SLC16A9: variants seen among roughly 807,000 people sequenced by gnomAD.
SLC16A9 encodes the protein solute carrier family 16 member 9.
Under a neutral mutation model 44.3 loss-of-function variants are expected in SLC16A9, and 26 were observed. That is an observed-to-expected ratio of 0.59 (90% CI 0.43 to 0.81). The LOEUF (loss-of-function observed/expected upper bound fraction) is 0.81. Among genes scored for constraint, SLC16A9 ranks in the 40% least tolerant of loss-of-function variants. The pLI, the probability that SLC16A9 is intolerant of heterozygous loss-of-function variation, is 0.00. For synonymous variants in SLC16A9, 230 were observed against 225.1 expected (o/e 1.02, Z -0.19); for missense variants, 559 against 595.8 (o/e 0.94, Z 0.64).
At chr10:59,691,346 A>T (rs1230270011) in intron 1 of SLC16A9, among the ~76,000 whole-genome samples, 2 of 152,192 alleles carry the variant, frequency 1.3e-5, no homozygotes, top group African/African-American at 4.8e-5. Flanking sequence ...ATTAGAAACC[A>T]TTTTGAGAGA....
intron 4 of SLC16A9, among the ~76,000 whole-genome samples, chr10:59,663,439 T>G (rs1839529943): frequency 6.6e-6 from 1 of 152,104 alleles, no homozygotes; most frequent in African/African-American, 2.4e-5. Flanking sequence ...TAAAAAAGAA[T>G]GAGTTTGTGT....
intron 1 of SLC16A9, among the ~76,000 whole-genome samples, chr10:59,689,683 G>A (rs181588964): frequency 6.9e-4 from 105 of 152,226 alleles, no homozygotes; most frequent in African/African-American, 2.2e-3. Context: ...AAATTATTTT[G>A]TTAAGTTATC....
chr10:59,660,939 G>A (rs2393560), intron 4 of SLC16A9, among the ~76,000 whole-genome samples: 17,834 of 152,104 alleles, frequency 0.12, 1,181 homozygotes, highest in Non-Finnish European at 0.15. Context: ...AAAGGCCTTC[G>A]ATAAAATTCA....
At chr10:59,656,103 G>A (rs184849488) in intron 4 of SLC16A9, among the ~76,000 whole-genome samples, 159 of 152,232 alleles carry the variant, frequency 1.0e-3, no homozygotes, top group African/African-American at 3.4e-3. Flanking sequence ...AGTATCTTTT[G>A]GGACTGCTAA....
At chr10:59,697,615 T>G (rs1276232896) in intron 1 of SLC16A9, among the ~76,000 whole-genome samples, 1 of 149,188 alleles carries the variant, frequency 6.7e-6, no homozygotes, top group Non-Finnish European at 1.5e-5. Context: ...CAGGGTCCTC[T>G]GCCTAGGAAA....
chr10:59,666,520 G>A (rs1307576089), intron 3 of SLC16A9, among the ~76,000 whole-genome samples: 1 of 152,088 alleles, frequency 6.6e-6, no homozygotes, highest in Non-Finnish European at 1.5e-5. Context: ...GTGCAAAAGA[G>A]ATGCTGAGTA....
intron 1 of SLC16A9, among the ~76,000 whole-genome samples, chr10:59,694,088 C>T (rs578244969): frequency 6.6e-6 from 1 of 152,202 alleles, no homozygotes; most frequent in South Asian, 2.1e-4. Flanking sequence ...CAGGCGCCCG[C>T]CACCACGCCC....
intron 1 of SLC16A9, among the ~76,000 whole-genome samples, chr10:59,707,329 G>A (rs71495610): frequency 1.6e-5 from 2 of 123,666 alleles, no homozygotes; most frequent in Admixed American, 1.6e-4. Flanking sequence ...GAAGGGAAGG[G>A]AAGGGAGGGG....
intron 1 of SLC16A9, 48 bp from the exon 2 acceptor site, chr10:59,684,375 G>A: frequency 8.9e-7 from 1 of 1,125,924 alleles, no homozygotes; most frequent in Admixed American, 2.5e-5. Flanking sequence ...AGTGTGGTAG[G>A]GCACAGCGCT....
chr10:59,692,861 T>A (rs925373052), intron 1 of SLC16A9, among the ~76,000 whole-genome samples: 3 of 152,220 alleles, frequency 2.0e-5, no homozygotes, highest in African/African-American at 7.2e-5. Flanking sequence ...ATTCTTTGGG[T>A]GTTTTCATGA....
At chr10:59,666,509 G>T (rs1839621928) in intron 3 of SLC16A9, among the ~76,000 whole-genome samples, 2 of 152,086 alleles carry the variant, frequency 1.3e-5, no homozygotes, top group South Asian at 4.1e-4. Flanking sequence ...TTATGCTGAT[G>T]GTGCAAAAGA....
chr10:59,663,648 A>T (rs921963428), intron 4 of SLC16A9, among the ~76,000 whole-genome samples: 1 of 152,036 alleles, frequency 6.6e-6, no homozygotes, highest in Non-Finnish European at 1.5e-5. Flanking sequence ...TAGGAGAAAT[A>T]CCTAATGTAG....
chr10:59,664,401 C>A, intron 3 of SLC16A9, 79 bp from the exon 4 acceptor site: 1 of 900,670 alleles, frequency 1.1e-6, no homozygotes. Context: ...ACAAGTATGT[C>A]CGATAAGACA....
At position 59,700,708 on chromosome 10, in the gene SLC16A9, C is replaced by T. The variant is rs573391493; in HGVS notation, c.-37+8771G>A. 7.2e-5 allele frequency among the ~76,000 whole-genome samples: 11 copies of T among 152,308 alleles called. No homozygotes were observed. The East Asian group carries it at 1.5e-3, about 21-fold the overall frequency. ...AAAGCATGAAAGGGTACTCTCCCTA[C>T]CTCTGCTTCCTCACCTTCTCATCAT... On this transcript the variant is annotated intron_variant, in intron 1 of 5. Transcript: ENST00000395348.
chr10:59,700,582 G>A (rs775688104), intron 1 of SLC16A9, among the ~76,000 whole-genome samples: 2 of 152,210 alleles, frequency 1.3e-5, no homozygotes, highest in Non-Finnish European at 2.9e-5. Flanking sequence ...GGGATTTCAA[G>A]CCTGGCCATG....
In SLC16A9 at chr10:59,707,432, G is replaced by A. The variant is rs370376802; in HGVS notation, c.-37+2047C>T. Among the ~76,000 whole-genome samples, 61 of 151,976 alleles carry A rather than the reference G, an allele frequency of 4.0e-4. 2 individuals carry two copies. The South Asian group carries it at 0.013, about 32-fold the overall frequency. On this transcript the variant is annotated intron_variant, in intron 1 of 5. Transcript: ENST00000395348. The stretch of plus-strand genomic sequence containing the variant: ...ACCCTGGTTACCAGTAGGTAGGGTT[G>A]GGGTGAAGAGATGTTTGTCAAAGGA...
At chr10:59,694,801 A>AATATATATATAT (rs1554874045) in intron 1 of SLC16A9, among the ~76,000 whole-genome samples, 4,690 of 72,384 alleles carry the variant, frequency 0.065, 781 homozygotes, top group Middle Eastern at 0.096. Context: ...CTCCATCTCA[A>AATATATATATAT]ATATATATAT....
At chr10:59,670,838 A>G (rs1839733127) in intron 3 of SLC16A9, among the ~76,000 whole-genome samples, 1 of 152,176 alleles carries the variant, frequency 6.6e-6, no homozygotes, top group East Asian at 1.9e-4. Flanking sequence ...CAAACATTCC[A>G]TGAGCCCTAT....
At position 59,659,183 on chromosome 10, in the gene SLC16A9, TC is replaced by T. The variant is rs1199731726; in HGVS notation, c.437-4595del. Among the ~76,000 whole-genome samples the T allele has an allele frequency of 3.3e-5, 5 of 152,172 alleles. No homozygotes were observed. The East Asian group carries it at 9.6e-4, about 29-fold the overall frequency. On this transcript the variant is annotated intron_variant, in intron 4 of 5. Transcript: ENST00000395348. The stretch of plus-strand genomic sequence containing the variant: ...TATTTTATATTTTCCCCCTCAGTGA[TC>T]ATCTCTTGATTACTAAAGGAATAAC...
Sources: gnomAD v4.1 joint callset for allele counts (sites outside exome capture counted in the v4.1 genomes callset) on GRCh38, gnomAD v4.1.1 for gene constraint, MANE v1.5 for transcripts, NCBI Gene and HGNC (gene_info 2026-07-23, HGNC 2026-07-21) for gene names.